The following ODAD2 variants were observed in gnomAD, a reference collection of about 807,000 sequenced individuals.
ODAD2 encodes outer dynein arm docking complex subunit 2, also known as outer dynein arm-docking complex subunit 2.
In ODAD2, 89 loss-of-function variants were observed where a neutral mutation model predicts 106.8. The observed-to-expected ratio is 0.83, with a 90% CI of 0.70 to 0.99. The LOEUF is 0.99. Among genes scored for constraint, ODAD2 ranks in the 50% least tolerant of loss-of-function variants. ODAD2 has a pLI of 0.00. For missense variants in ODAD2, 1,168 were observed against 1,238.5 expected (o/e 0.94, Z 0.85); for synonymous variants, 404 against 436.2 (o/e 0.93, Z 0.92).
intron 16 of ODAD2, among the ~76,000 whole-genome samples, chr10:27,923,318 C>G (rs1333009249): frequency 7.0e-6 from 1 of 141,974 alleles, no homozygotes; most frequent in African/African-American, 2.6e-5. Context: ...ATATATCAAG[C>G]AAATGGAAAC....
intron 17 of ODAD2, among the ~76,000 whole-genome samples, chr10:27,862,913 A>C (rs1447271255): frequency 6.6e-6 from 1 of 152,170 alleles, no homozygotes; most frequent in Non-Finnish European, 1.5e-5. Context: ...AGGATATCAA[A>C]GTTATTAAAG....
chr10:27,892,143 T>A (rs1442574263), intron 17 of ODAD2, among the ~76,000 whole-genome samples: 1 of 152,190 alleles, frequency 6.6e-6, no homozygotes, highest in African/African-American at 2.4e-5. Context: ...TGAATCAGAC[T>A]TACAGCTCTT....
intron 17 of ODAD2, among the ~76,000 whole-genome samples, chr10:27,882,272 C>A (rs1841800144): frequency 6.6e-6 from 1 of 151,788 alleles, no homozygotes. Context: ...ATAAGATTTA[C>A]TGAACAGGGA....
chr10:27,962,670 C>G (rs1452564423), intron 9 of ODAD2, among the ~76,000 whole-genome samples: 1 of 152,182 alleles, frequency 6.6e-6, no homozygotes, highest in Non-Finnish European at 1.5e-5. Flanking sequence ...GATGCATGGA[C>G]AACAGTATTA....
intron 17 of ODAD2, among the ~76,000 whole-genome samples, chr10:27,884,836 T>C (rs1178743252): frequency 6.6e-6 from 1 of 152,110 alleles, no homozygotes; most frequent in Non-Finnish European, 1.5e-5. Context: ...ATTAAAAGCA[T>C]ACATACAGGC....
intron 10 of ODAD2, among the ~76,000 whole-genome samples, chr10:27,952,179 C>A (rs1056256178): frequency 6.7e-6 from 1 of 149,262 alleles, no homozygotes; most frequent in Non-Finnish European, 1.5e-5. Flanking sequence ...AGATGAACAA[C>A]CACACAGAAA....
chr10:27,934,254 A>C (rs530215435), intron 16 of ODAD2, among the ~76,000 whole-genome samples: 3 of 152,052 alleles, frequency 2.0e-5, no homozygotes, highest in African/African-American at 4.8e-5. Context: ...TATCAGCAGC[A>C]TGAAAATGGA....
At chr10:27,958,883 T>G in intron 10 of ODAD2, 2 of 1,303,988 alleles carry the variant, frequency 1.5e-6, no homozygotes, top group Non-Finnish European at 2.0e-6. Context: ...AACTGGTCTT[T>G]CCAACGTCAA....
intron 7 of ODAD2, among the ~76,000 whole-genome samples, chr10:27,973,106 C>A (rs1848963960): frequency 6.6e-6 from 1 of 152,286 alleles, no homozygotes; most frequent in East Asian, 1.9e-4. Context: ...TCTACAGAAA[C>A]TCCTCATATA....
rs186210385 is a variant in ODAD2, at chr10:27,839,110, C to T, written c.3021+21515G>A. 9.3e-4 allele frequency among the ~76,000 whole-genome samples: 141 copies of T among 152,210 alleles called. 2 individuals carry two copies. Among genetic ancestry groups the T allele is most frequent in the African/African-American group, 2.7e-3 (112 of 41,530 alleles). Reference sequence around the variant, plus strand: ...TGATCAGAAAAACTGTAACGTAGTCCAACATTCCTAATTTTGGTAACATGA... The same window carrying T: ...TGATCAGAAAAACTGTAACGTAGTCTAACATTCCTAATTTTGGTAACATGA... On this transcript the variant is annotated intron_variant, in intron 19 of 19. Transcript: ENST00000305242.
At chr10:27,893,341 T>C (rs1464905200) in intron 17 of ODAD2, among the ~76,000 whole-genome samples, 1 of 152,198 alleles carries the variant, frequency 6.6e-6, no homozygotes, top group Non-Finnish European at 1.5e-5. Flanking sequence ...GTTTGAACAG[T>C]TGACATTTCA....
At chr10:27,847,658 T>C (rs2133187509) in intron 19 of ODAD2, among the ~76,000 whole-genome samples, 1 of 152,270 alleles carries the variant, frequency 6.6e-6, no homozygotes, top group Admixed American at 6.5e-5. Flanking sequence ...GACATGATTG[T>C]GTATCTAGAA....
chr10:27,958,274 A>T (rs1333012622), intron 10 of ODAD2, among the ~76,000 whole-genome samples: 2 of 152,206 alleles, frequency 1.3e-5, no homozygotes, highest in East Asian at 3.8e-4. Flanking sequence ...CTGGGACAGA[A>T]ATAGTGCATC....
At chr10:27,867,669 G>A (rs559687124) in intron 17 of ODAD2, among the ~76,000 whole-genome samples, 1 of 152,124 alleles carries the variant, frequency 6.6e-6, no homozygotes, top group Admixed American at 6.6e-5. Context: ...ATAAGCAAGG[G>A]CTGGGTGCAG....
chr10:27,888,319 C>A (rs758600991), intron 17 of ODAD2, among the ~76,000 whole-genome samples: 19 of 152,124 alleles, frequency 1.2e-4, no homozygotes, highest in Non-Finnish European at 2.2e-4. Flanking sequence ...CCCTTGCCAA[C>A]ATACATTGTT....
chr10:27,973,645 C>T lies in ODAD2; in HGVS notation c.937-2332G>A, dbSNP rs537489766. ...TCTTTTTTATGGCTGTGTAGTATTC[C>T]ATGGCATATATGTACCACATTTTCT... On this transcript the variant is annotated intron_variant, in intron 7 of 19. Transcript: ENST00000305242. 7.9e-5 allele frequency among the ~76,000 whole-genome samples: 12 copies of T among 152,184 alleles called. No homozygotes were observed. The East Asian group carries it at 2.3e-3, about 29-fold the overall frequency.
At chr10:27,943,829 AG>A (rs1846645444) in intron 12 of ODAD2, among the ~76,000 whole-genome samples, 6 of 140,484 alleles carry the variant, frequency 4.3e-5, no homozygotes, top group Non-Finnish European at 7.7e-5. Flanking sequence ...AAAAAAAAAA[AG>A]GCATCATAGA....
chr10:27,883,386 A>G (rs898628226), intron 17 of ODAD2, among the ~76,000 whole-genome samples: 2 of 152,184 alleles, frequency 1.3e-5, no homozygotes, highest in African/African-American at 2.4e-5. Flanking sequence ...TAGCAAAAGC[A>G]ACAACAAACA....
rs376200446 is a variant in ODAD2 at position 27,985,196 on chromosome 10, A to G, written c.398T>C (p.Ile133Thr). Residue 133 changes from isoleucine (I) to threonine (T), a missense_variant, in exon 4 of 20, where the codon ATA (isoleucine) becomes ACA (threonine). Transcript: ENST00000305242. The stretch of plus-strand genomic sequence containing the variant: ...ATAATCAGAGCCCAGGATTTTTACT[A>G]TGGGGTCTCTGTTAGCTGCCAAAAA... The part of the protein sequence containing the change: ...QACVEANRDP[I>T]VKILGSDYNT... 3.9e-6 allele frequency: 6 copies of G among 1,544,996 alleles called. No individual in the cohort carries two copies. Among genetic ancestry groups the G allele is most frequent in the East Asian group, 2.4e-5 (1 of 42,346 alleles).
Sources: gnomAD v4.1 joint callset for allele counts (sites outside exome capture counted in the v4.1 genomes callset) on GRCh38, gnomAD v4.1.1 for gene constraint, MANE v1.5 for transcripts, NCBI Gene and HGNC (gene_info 2026-07-23, HGNC 2026-07-21) for gene names.